EPN2: variants seen among roughly 807,000 people sequenced by gnomAD.
The protein encoded by EPN2 is epsin-2.
In EPN2, 34 loss-of-function variants were observed where a neutral mutation model predicts 61.7. The ratio of observed to expected loss-of-function variants is 0.55; its 90% CI spans 0.42 to 0.73. The LOEUF (loss-of-function observed/expected upper bound fraction) is 0.73, where lower values mean the gene tolerates loss of function less well. EPN2 is among the 30% of genes least tolerant of loss of function. The pLI is 0.00. For missense variants in EPN2, 714 were observed against 839.2 expected (o/e 0.85, Z 1.84); for synonymous variants, 349 against 353.6 (o/e 0.99, Z 0.15).
chr17:19,238,390 C>T (rs1202967109), intron 1 of EPN2, among the ~76,000 whole-genome samples: 1 of 152,186 alleles, frequency 6.6e-6, no homozygotes, highest in Non-Finnish European at 1.5e-5. Context: ...TTGTTTGCGA[C>T]CTGAAGTTTG....
intron 1 of EPN2, among the ~76,000 whole-genome samples, chr17:19,242,681 A>G (rs915015114): frequency 5.3e-5 from 8 of 152,216 alleles, no homozygotes; most frequent in Admixed American, 2.6e-4. Context: ...GTTCAAAGCA[A>G]TACAAGGAAT....
In EPN2 at chr17:19,335,571, T is replaced by A; in HGVS notation, c.*1317T>A. 1 of 1,225,674 alleles carries A rather than the reference T, an allele frequency of 8.2e-7. No individual in the cohort carries two copies. Among genetic ancestry groups the A allele is most frequent in the Non-Finnish European group, 1.1e-6 (1 of 894,074 alleles). 75.9% of individuals were successfully genotyped at this position (1,225,674 alleles called of 1,614,324 possible). ...CCCGAGGGCGTGGGGTGGGGGGTGCTTCTGTGCCCACGGGTCCCTGGGCAA... is the reference window on the plus strand; with the variant it reads ...CCCGAGGGCGTGGGGTGGGGGGTGCATCTGTGCCCACGGGTCCCTGGGCAA... On this transcript the variant is annotated 3_prime_UTR_variant, in exon 11 of 11. Transcript: ENST00000314728.
At position 19,328,713 on chromosome 17, in the gene EPN2, A is replaced by G. The variant is rs761144584; in HGVS notation, c.1150A>G (p.Thr384Ala). The change falls in exon 8 of 11, where the codon ACC (threonine) becomes GCC (alanine). Residue 384 changes from threonine to alanine, a missense_variant and splice_region_variant. Physicochemically the swap from Thr to Ala is moderately conservative, Grantham distance 58. Coordinates refer to ENST00000314728, the MANE Select transcript of EPN2 (RefSeq NM_014964.5). ...GCCCTGACCCTGCCTTCCAACAGGT[A>G]CCAAGCCAGCTGCCTCCATTGACCC... is the stretch of plus-strand genomic sequence containing the variant. ...STSDPWPSFG[T>A]KPAASIDPWG... The G allele has an allele frequency of 1.9e-6, 3 of 1,605,230 alleles. No homozygotes were observed. Among genetic ancestry groups the G allele is most frequent in the African/African-American group, 1.3e-5 (1 of 74,762 alleles).
chr17:19,313,921 C>A (rs1476641432), intron 7 of EPN2, among the ~76,000 whole-genome samples: 1 of 152,158 alleles, frequency 6.6e-6, no homozygotes, highest in African/African-American at 2.4e-5. Context: ...GCCCAGCAGG[C>A]TTTATGAAGG....
chr17:19,242,739 A>G (rs916883512), intron 1 of EPN2, among the ~76,000 whole-genome samples: 2 of 152,224 alleles, frequency 1.3e-5, no homozygotes, highest in African/African-American at 4.8e-5. Flanking sequence ...TCTTCTCTTC[A>G]TGGTAACCCT....
intron 1 of EPN2, among the ~76,000 whole-genome samples, chr17:19,244,980 A>G (rs1405810795): frequency 6.6e-6 from 1 of 152,032 alleles, no homozygotes; most frequent in Non-Finnish European, 1.5e-5. Flanking sequence ...ACCTCACTGT[A>G]CCCTCACAAC....
intron 1 of EPN2, among the ~76,000 whole-genome samples, chr17:19,278,804 A>G (rs1597990019): frequency 6.6e-6 from 1 of 152,186 alleles, no homozygotes; most frequent in Non-Finnish European, 1.5e-5. Flanking sequence ...GTGCACCACC[A>G]TGCCTGGCTA....
At chr17:19,330,654 G>C (rs1379980484) in intron 9 of EPN2, 1 of 152,252 alleles carries the variant, frequency 6.6e-6, no homozygotes, top group East Asian at 1.9e-4. Context: ...CCTGCTCCGT[G>C]CCTCAGTGAG....
intron 2 of EPN2, 62 bp from the exon 3 acceptor site, chr17:19,282,888 C>G: frequency 2.1e-6 from 1 of 476,038 alleles, no homozygotes; most frequent in South Asian, 3.0e-5. Flanking sequence ...GCTGCTGGAC[C>G]ACAGTCTCCC....
intron 1 of EPN2, among the ~76,000 whole-genome samples, chr17:19,237,805 A>G (rs1280954797): frequency 1.3e-5 from 2 of 151,208 alleles, no homozygotes; most frequent in African/African-American, 2.4e-5. Flanking sequence ...ACCCGTCCCT[A>G]TCACCGAGCA....
chr17:19,291,616 G>GT (rs1191057128), intron 4 of EPN2, among the ~76,000 whole-genome samples: 2 of 151,478 alleles, frequency 1.3e-5, no homozygotes, highest in Admixed American at 1.3e-4. Flanking sequence ...TTTTTTTTGT[G>GT]TTTTTTGTAG....
chr17:19,286,094 T>A (rs2045402136), intron 4 of EPN2, among the ~76,000 whole-genome samples: 1 of 152,192 alleles, frequency 6.6e-6, no homozygotes, highest in Non-Finnish European at 1.5e-5. Flanking sequence ...CCTGACAAAC[T>A]GGAGGGGGCT....
chr17:19,326,537 A>C (rs1906876748), intron 7 of EPN2, among the ~76,000 whole-genome samples: 1 of 151,986 alleles, frequency 6.6e-6, no homozygotes, highest in African/African-American at 2.4e-5. Context: ...AATACAAAAA[A>C]TAAGCTGGGT....
At chr17:19,291,523 C>T (rs941396187) in intron 4 of EPN2, among the ~76,000 whole-genome samples, 4 of 150,496 alleles carry the variant, frequency 2.7e-5, no homozygotes, top group Non-Finnish European at 5.9e-5. Flanking sequence ...CTGCAAGCTC[C>T]GCTTCCTGGG....
chr17:19,285,543 G>T lies in EPN2; in HGVS notation c.596-77G>T. On this transcript the variant is annotated intron_variant, in intron 3 of 10. Coordinates refer to ENST00000314728, the MANE Select transcript of EPN2 (RefSeq NM_014964.5). The surrounding 1 kb of genome is among the most constrained non-coding windows in gnomAD (Gnocchi z 4.5). Reference sequence around the variant, plus strand: ...GGTTGACCCCGAGTGGCCTTGGCCCGTACCTCCTGCAGGGGCTGCTGCGCA... The same window carrying T: ...GGTTGACCCCGAGTGGCCTTGGCCCTTACCTCCTGCAGGGGCTGCTGCGCA... The T allele has an allele frequency of 2.2e-6, 3 of 1,380,624 alleles. No individual in the cohort carries two copies. The highest frequency in any genetic ancestry group is 2.8e-6 in the Non-Finnish European group (3 of 1,063,666). The allele number at this position is 1,380,624 out of a possible 1,614,324, so 85.5% of individuals were successfully genotyped here.
intron 7 of EPN2, 170 bp downstream of exon 7, chr17:19,313,449 G>A (rs1360521906): frequency 4.0e-6 from 2 of 501,756 alleles, no homozygotes; most frequent in African/African-American, 4.0e-5. Context: ...CCTCCTTGAG[G>A]ATGGTGGCAT....
At chr17:19,329,142 C>T in intron 8 of EPN2, 2 of 476,100 alleles carry the variant, frequency 4.2e-6, no homozygotes, top group Non-Finnish European at 7.4e-6. Flanking sequence ...AGAGAGAAGA[C>T]TGCCCTGGGC....
At chr17:19,331,129 A>T (rs904853452) in intron 9 of EPN2, among the ~76,000 whole-genome samples, 1 of 152,226 alleles carries the variant, frequency 6.6e-6, no homozygotes, top group Admixed American at 6.5e-5. Flanking sequence ...AAAACTTGTT[A>T]AAAAATACTT....
At chr17:19,290,788 A>T (rs922292111) in intron 4 of EPN2, among the ~76,000 whole-genome samples, 1 of 152,116 alleles carries the variant, frequency 6.6e-6, no homozygotes, top group African/African-American at 2.4e-5. Flanking sequence ...AGTGAATCAG[A>T]ACCAACTTGG....
Sources: gnomAD v4.1 joint callset for allele counts (sites outside exome capture counted in the v4.1 genomes callset) on GRCh38, gnomAD v4.1.1 for gene constraint, Gnocchi (gnomAD v3.1) non-coding constraint, MANE v1.5 for transcripts, NCBI Gene and HGNC (gene_info 2026-07-23, HGNC 2026-07-21) for gene names.